Variants in KCNMA1 observed in about 807,000 individuals in gnomAD.
KCNMA1 encodes the protein potassium calcium-activated channel subfamily M alpha 1, also known as Calcium-activated potassium channel subunit alpha-1.
KCNMA1 carries 29 observed loss-of-function variants against 140.0 expected under a neutral mutation model. That is an observed-to-expected ratio of 0.21 (90% CI 0.15 to 0.28). KCNMA1 has a LOEUF of 0.28. Among genes scored for constraint, KCNMA1 ranks in the 10% least tolerant of loss-of-function variants. KCNMA1 has a pLI of 1.00. For synonymous variants in KCNMA1, 612 were observed against 611.9 expected, an observed-to-expected ratio of 1.00 and a Z score of 0.00; for missense variants, 880 against 1,602.2, an observed-to-expected ratio of 0.55 and a Z score of 7.70.
At chr10:77,254,963 G>A (rs150114033) in intron 2 of KCNMA1, among the ~76,000 whole-genome samples, 2 of 152,212 alleles carry the variant, frequency 1.3e-5, no homozygotes, top group African/African-American at 2.4e-5. Flanking sequence ...GGGCTTGGGG[G>A]CAGCAGTGTG....
At chr10:76,974,493 C>T (rs1183377749) in intron 19 of KCNMA1, 8 of 1,542,702 alleles carry the variant, frequency 5.2e-6, no homozygotes, top group East Asian at 2.4e-5. Context: ...TCACCTGGCT[C>T]GGTCACAAGC....
chr10:77,362,204 G>A (rs1566260858), intron 2 of KCNMA1, among the ~76,000 whole-genome samples: 1 of 152,080 alleles, frequency 6.6e-6, no homozygotes, highest in Non-Finnish European at 1.5e-5. Context: ...AGAGGAGGGT[G>A]GCCCACTGAC....
At chr10:76,952,039 C>T in intron 21 of KCNMA1, 1 of 1,552,092 alleles carries the variant, frequency 6.4e-7, no homozygotes, top group Non-Finnish European at 8.7e-7. Flanking sequence ...TAACTCACCT[C>T]CTTAAACTTT....
chr10:77,191,799 A>G (rs1219149457), intron 3 of KCNMA1, among the ~76,000 whole-genome samples: 2 of 152,190 alleles, frequency 1.3e-5, no homozygotes, highest in Non-Finnish European at 2.9e-5. Flanking sequence ...GTTACTCTGC[A>G]GTACTGATCG....
chr10:77,256,328 C>T (rs1719602624), intron 2 of KCNMA1, among the ~76,000 whole-genome samples: 2 of 152,244 alleles, frequency 1.3e-5, no homozygotes, highest in South Asian at 2.1e-4. Context: ...GTGGCTACCA[C>T]CAGAATCCAG....
At chr10:77,580,177 C>G (rs925666865) in intron 1 of KCNMA1, among the ~76,000 whole-genome samples, 21 of 152,062 alleles carry the variant, frequency 1.4e-4, no homozygotes, top group African/African-American at 3.6e-4. Context: ...GTCTGGAGAT[C>G]GAGACCATCT....
At chr10:77,302,657 G>A (rs1156453570) in intron 2 of KCNMA1, among the ~76,000 whole-genome samples, 2 of 152,198 alleles carry the variant, frequency 1.3e-5, no homozygotes, top group African/African-American at 4.8e-5. Context: ...GGGGACGTGA[G>A]AATTGTCTAC....
intron 1 of KCNMA1, among the ~76,000 whole-genome samples, chr10:77,599,711 A>T (rs2082040072): frequency 6.6e-6 from 1 of 152,192 alleles, no homozygotes; most frequent in South Asian, 2.1e-4. Context: ...AGAGATCATT[A>T]CATGATTGTT....
At chr10:77,404,972 C>T (rs1016698451) in intron 1 of KCNMA1, among the ~76,000 whole-genome samples, 3 of 149,230 alleles carry the variant, frequency 2.0e-5, no homozygotes, top group African/African-American at 7.4e-5. Context: ...CATTTGAACA[C>T]CCGGATCCAG....
At chr10:77,269,465 C>T (rs971594303) in intron 2 of KCNMA1, among the ~76,000 whole-genome samples, 2 of 152,166 alleles carry the variant, frequency 1.3e-5, no homozygotes, top group Non-Finnish European at 2.9e-5. Flanking sequence ...TTTCAATGCA[C>T]CATATCCTCT....
At chr10:77,034,580 T>C (rs1290578291) in intron 15 of KCNMA1, among the ~76,000 whole-genome samples, 3 of 152,182 alleles carry the variant, frequency 2.0e-5, no homozygotes, top group Non-Finnish European at 4.4e-5. Flanking sequence ...GAGCACTGAA[T>C]GCAGGGAGGT....
At chr10:77,034,501 C>T (rs1437326212) in intron 15 of KCNMA1, among the ~76,000 whole-genome samples, 2 of 152,172 alleles carry the variant, frequency 1.3e-5, no homozygotes, top group African/African-American at 4.8e-5. Flanking sequence ...CCCCAAGCGG[C>T]TTCTTTTTAA....
At chr10:77,460,409 A>C (rs1240817917) in intron 1 of KCNMA1, among the ~76,000 whole-genome samples, 1 of 152,188 alleles carries the variant, frequency 6.6e-6, no homozygotes, top group Non-Finnish European at 1.5e-5. Context: ...AAAGGAAATC[A>C]TTAGACCAAA....
chr10:77,636,347 CG>C (rs1449940734), intron 1 of KCNMA1: 1 of 1,529,564 alleles, frequency 6.5e-7, no homozygotes, highest in East Asian at 2.5e-5. Context: ...TCGAAGGTGT[CG>C]CCAGCCTCAG....
chr10:77,133,818 G>A (rs1344903112), intron 5 of KCNMA1, among the ~76,000 whole-genome samples: 3 of 152,074 alleles, frequency 2.0e-5, no homozygotes, highest in Admixed American at 1.3e-4. Flanking sequence ...TAACAGCCAT[G>A]AGCAGTCTCA....
intron 2 of KCNMA1, among the ~76,000 whole-genome samples, chr10:77,384,160 G>A (rs531641101): frequency 1.3e-5 from 2 of 152,322 alleles, no homozygotes; most frequent in African/African-American, 4.8e-5. Flanking sequence ...GCCTAAATGA[G>A]AGCTTTTCCT....
intron 1 of KCNMA1, among the ~76,000 whole-genome samples, chr10:77,486,646 G>T (rs1417245918): frequency 1.3e-5 from 2 of 152,188 alleles, no homozygotes; most frequent in East Asian, 1.9e-4. Flanking sequence ...ATTAATGATG[G>T]GTACAGCCGG....
intron 16 of KCNMA1, 32 bp from the exon 17 acceptor site, chr10:77,019,131 T>G (rs2092531859): frequency 8.5e-7 from 1 of 1,182,734 alleles, no homozygotes; most frequent in South Asian, 1.2e-5. Context: ...ACAGAGAAGA[T>G]ACATTTGTGA....
intron 13 of KCNMA1, among the ~76,000 whole-genome samples, chr10:77,076,759 A>G (rs1026595492): frequency 2.6e-5 from 4 of 152,372 alleles, no homozygotes; most frequent in South Asian, 2.1e-4. Flanking sequence ...CATGTCTACA[A>G]TTATGATGAT....
Sources: allele counts gnomAD v4.1 joint callset (sites outside exome capture counted in the v4.1 genomes callset), GRCh38; gene constraint gnomAD v4.1.1; transcripts MANE v1.5; gene names NCBI Gene and HGNC (gene_info 2026-07-23, HGNC 2026-07-21).